Variants in ZNF385B observed in about 807,000 individuals in gnomAD.
The protein encoded by ZNF385B is zinc finger protein 533.
ZNF385B carries 23 observed loss-of-function variants against 39.2 expected under a neutral mutation model. That is an observed-to-expected ratio of 0.59 (90% CI 0.42 to 0.83). The LOEUF is 0.83. ZNF385B is among the 40% of genes least tolerant of loss of function. The pLI is 0.00. For synonymous variants in ZNF385B, 205 were observed against 222.6 expected (o/e 0.92, Z 0.70); for missense variants, 552 against 598.9 (o/e 0.92, Z 0.82).
At chr2:179,852,618 G>A (rs1020276181) in intron 1 of ZNF385B, among the ~76,000 whole-genome samples, 1 of 152,082 alleles carries the variant, frequency 6.6e-6, no homozygotes, top group South Asian at 2.1e-4. Context: ...GTAAGTAAAG[G>A]CCAGTGAATA....
chr2:179,448,731 CATG>C (rs1208616540), intron 6 of ZNF385B, among the ~76,000 whole-genome samples: 5 of 152,022 alleles, frequency 3.3e-5, no homozygotes, highest in Admixed American at 2.6e-4. Context: ...CATAAATGAG[CATG>C]ATGTTTTCTC....
chr2:179,853,700 T>C (rs1229640632), intron 1 of ZNF385B, among the ~76,000 whole-genome samples: 8 of 152,238 alleles, frequency 5.3e-5, no homozygotes, highest in African/African-American at 1.7e-4. Flanking sequence ...CAATTATGGC[T>C]ACCTGTATGA....
chr2:179,743,097 A>T (rs879344015), intron 3 of ZNF385B, among the ~76,000 whole-genome samples: 8 of 152,110 alleles, frequency 5.3e-5, no homozygotes, highest in South Asian at 4.1e-4. Context: ...AAACTTTTTT[A>T]AAAAGATTTT....
chr2:179,612,088 G>C (rs1205689495), intron 3 of ZNF385B, among the ~76,000 whole-genome samples: 15 of 151,812 alleles, frequency 9.9e-5, no homozygotes, highest in Non-Finnish European at 5.9e-5. Flanking sequence ...TAATTTATTT[G>C]TTAAATTTAC....
intron 3 of ZNF385B, among the ~76,000 whole-genome samples, chr2:179,594,687 G>T (rs1687846306): frequency 6.6e-6 from 1 of 152,124 alleles, no homozygotes; most frequent in Admixed American, 6.5e-5. Context: ...ATAAAGAGGA[G>T]GCTCAGTGCC....
chr2:179,811,572 T>A (rs754651396), intron 1 of ZNF385B, among the ~76,000 whole-genome samples: 6 of 152,134 alleles, frequency 3.9e-5, no homozygotes, highest in Non-Finnish European at 7.4e-5. Context: ...ATTCAGTAAA[T>A]GGTGCTGAGA....
chr2:179,752,337 A>T lies in ZNF385B; in HGVS notation c.298+17166T>A, dbSNP rs377377964. 1.6e-4 allele frequency among the ~76,000 whole-genome samples: 25 copies of T among 152,236 alleles called. 1 individual carries two copies. In the East Asian group the frequency reaches 4.2e-3, roughly 26 times the overall value. ...ATTTTCTTAATCCAGTCTATCATTG[A>T]TGGACATTTGGGTTGGTTCCAAGTC... On this transcript the variant is annotated intron_variant, in intron 3 of 9. Coordinates refer to ENST00000410066, the MANE Select transcript of ZNF385B (RefSeq NM_152520.6).
chr2:179,506,761 T>C (rs1160111310), intron 5 of ZNF385B, among the ~76,000 whole-genome samples: 17 of 152,200 alleles, frequency 1.1e-4, no homozygotes, highest in Admixed American at 1.1e-3. Context: ...ACTAGTCATG[T>C]AATTTCACAA....
rs1167426429 is a variant in ZNF385B at position 179,861,351 on chromosome 2, G to T, written c.-405C>A. ...ACTCTTGCCCGCGCCGGGCTTAAGC[G>T]CCCGGCCGCTGCCCCCGCGCTGAGC... On this transcript the variant is annotated 5_prime_UTR_variant, in exon 1 of 10. Coordinates refer to ENST00000410066, the MANE Select transcript of ZNF385B (RefSeq NM_152520.6). The T allele has an allele frequency of 6.6e-6, 1 of 150,476 alleles. No homozygotes were observed. Among genetic ancestry groups the T allele is most frequent in the Non-Finnish European group, 1.5e-5 (1 of 67,444 alleles). The allele number at this position is 150,476 out of a possible 1,614,324, so 9.3% of individuals were successfully genotyped here. A position where few individuals can be genotyped will look rare whatever the true frequency, so the allele number is the denominator to read the frequency against.
intron 5 of ZNF385B, among the ~76,000 whole-genome samples, chr2:179,496,616 CA>C (rs1235325532): frequency 1.3e-5 from 2 of 152,164 alleles, no homozygotes; most frequent in Non-Finnish European, 2.9e-5. Context: ...TCACATACAA[CA>C]GAGCTCCAAT....
At chr2:179,753,512 T>G (rs1354628431) in intron 3 of ZNF385B, among the ~76,000 whole-genome samples, 2 of 152,244 alleles carry the variant, frequency 1.3e-5, no homozygotes, top group Non-Finnish European at 2.9e-5. Context: ...GCATTAAATC[T>G]ATAAATTACC....
rs1417652668 is a variant in ZNF385B, at chr2:179,446,692, C to T, written c.794G>A (p.Gly265Asp). The part of the protein sequence containing the change: ...SESGSFLLKS[G>D]TTPLPPGAAT... ...TGCTCCAGGTGGCAGGGGTGTTGTG[C>T]CAGATTTGAGGAGAAATGAGCCACT... The change falls in exon 7 of 10, where the codon GGC (glycine) becomes GAC (aspartate). Residue 265 changes from glycine (G) to aspartate (D), a missense_variant. By Grantham distance (94) the Gly-to-Asp change is moderately conservative (BLOSUM62 -1). Transcript: ENST00000410066. 1 of 1,613,838 alleles carries T rather than the reference C, an allele frequency of 6.2e-7. No individual in the cohort carries two copies. Among genetic ancestry groups the T allele is most frequent in the African/African-American group, 1.3e-5 (1 of 74,858 alleles).
chr2:179,789,473 T>A (rs116770348), intron 1 of ZNF385B, among the ~76,000 whole-genome samples: 1,968 of 152,302 alleles, frequency 0.013, 17 homozygotes, highest in Non-Finnish European at 0.019. Flanking sequence ...TATAGGCAGC[T>A]GGCAGTCAAC....
chr2:179,794,004 A>G (rs1179129236), intron 1 of ZNF385B, among the ~76,000 whole-genome samples: 1 of 152,246 alleles, frequency 6.6e-6, no homozygotes, highest in Non-Finnish European at 1.5e-5. Context: ...TTTGGAGAGG[A>G]AAGAACAACA....
intron 3 of ZNF385B, among the ~76,000 whole-genome samples, chr2:179,684,369 A>G (rs558468823): frequency 1.3e-5 from 2 of 152,360 alleles, no homozygotes; most frequent in African/African-American, 4.8e-5. Flanking sequence ...TTAGTAGCAA[A>G]TAACAAGAAA....
At chr2:179,524,832 GT>G (rs930803055) in intron 4 of ZNF385B, among the ~76,000 whole-genome samples, 9 of 151,930 alleles carry the variant, frequency 5.9e-5, no homozygotes, top group Admixed American at 3.3e-4. Context: ...CATACTTTGG[GT>G]TTTTTTTCCC....
At chr2:179,741,836 G>C (rs995401481) in intron 3 of ZNF385B, among the ~76,000 whole-genome samples, 1 of 151,982 alleles carries the variant, frequency 6.6e-6, no homozygotes, top group Non-Finnish European at 1.5e-5. Flanking sequence ...AAGTTACTCT[G>C]CCTCTCGGAG....
chr2:179,845,698 T>C (rs1279051230), intron 1 of ZNF385B, among the ~76,000 whole-genome samples: 3 of 152,256 alleles, frequency 2.0e-5, no homozygotes, highest in Non-Finnish European at 4.4e-5. Flanking sequence ...ATGGTCACGA[T>C]AGGAAACTGG....
At position 179,657,250 on chromosome 2, in the gene ZNF385B, C is replaced by A. The variant is rs1693884832; in HGVS notation, c.298+112253G>T. 2.0e-5 allele frequency among the ~76,000 whole-genome samples: 3 copies of A among 152,172 alleles called. No homozygotes were observed. In the South Asian group the frequency reaches 6.2e-4, roughly 31 times the overall value. On this transcript the variant is annotated intron_variant, in intron 3 of 9. Transcript: ENST00000410066. ...TGAACAAGAAAACTTAGTCATAAGCCACCTTAGTGGCCATCACCCTATTAT... is the reference window on the plus strand; with the variant it reads ...TGAACAAGAAAACTTAGTCATAAGCAACCTTAGTGGCCATCACCCTATTAT...
Sources: gnomAD v4.1 joint callset for allele counts (sites outside exome capture counted in the v4.1 genomes callset) on GRCh38, gnomAD v4.1.1 for gene constraint, MANE v1.5 for transcripts, NCBI Gene and HGNC (gene_info 2026-07-23, HGNC 2026-07-21) for gene names.